SPIN1: variants seen among roughly 807,000 people sequenced by gnomAD.
SPIN1 encodes spindlin-1.
SPIN1 carries 3 observed loss-of-function variants against 26.0 expected under a neutral mutation model. That is an observed-to-expected ratio of 0.12 (90% CI 0.05 to 0.30). SPIN1 has a LOEUF of 0.30. SPIN1 is among the 10% of genes least tolerant of loss of function. SPIN1 has a pLI of 1.00. For missense variants in SPIN1, 126 were observed against 333.4 expected, an observed-to-expected ratio of 0.38 and a Z score of 4.84; for synonymous variants, 101 against 116.5, an observed-to-expected ratio of 0.87 and a Z score of 0.86.
chr9:88,421,909 G>A (rs1056864282), intron 1 of SPIN1, among the ~76,000 whole-genome samples: 11 of 151,714 alleles, frequency 7.3e-5, no homozygotes, highest in African/African-American at 2.7e-4. Context: ...TTCACCTGGA[G>A]GTAAAACATT....
intron 1 of SPIN1, among the ~76,000 whole-genome samples, chr9:88,420,382 A>C (rs1827646872): frequency 6.6e-6 from 1 of 152,220 alleles, no homozygotes; most frequent in Non-Finnish European, 1.5e-5. Context: ...TCTCAACAAA[A>C]CGAAACAGAA....
At position 88,475,793 on chromosome 9, in the gene SPIN1, A is replaced by T. The variant is rs1019410673; in HGVS notation, c.*516A>T. The T allele has an allele frequency of 6.6e-6, 1 of 152,322 alleles. No homozygotes were observed. Among genetic ancestry groups the T allele is most frequent in the Non-Finnish European group, 1.5e-5 (1 of 68,182 alleles). The allele number at this position is 152,322 out of a possible 1,614,324, so 9.4% of individuals were successfully genotyped here. ...GTCTTTGTGGATTAGGATGGGGGTG[A>T]CATAATTTTCTTGAGTTTAACAGGA... On this transcript the variant is annotated 3_prime_UTR_variant, in exon 6 of 6. Transcript: ENST00000375859.
At chr9:88,447,628 T>C (rs1358744234) in intron 2 of SPIN1, among the ~76,000 whole-genome samples, 1 of 152,252 alleles carries the variant, frequency 6.6e-6, no homozygotes, top group Non-Finnish European at 1.5e-5. Context: ...CTCAGAATTA[T>C]GTGCAGATTT....
At chr9:88,434,505 A>G (rs1441085983) in intron 2 of SPIN1, among the ~76,000 whole-genome samples, 1 of 151,956 alleles carries the variant, frequency 6.6e-6, no homozygotes, top group Non-Finnish European at 1.5e-5. Context: ...TCCACTGGAA[A>G]GTCAGTGATG....
intron 4 of SPIN1, among the ~76,000 whole-genome samples, chr9:88,465,743 A>G (rs1384353394): frequency 2.0e-5 from 3 of 152,232 alleles, no homozygotes; most frequent in Non-Finnish European, 4.4e-5. Flanking sequence ...CAGATTCTGC[A>G]TTGTAACTAA....
At chr9:88,435,645 T>G (rs1256896418) in intron 2 of SPIN1, among the ~76,000 whole-genome samples, 1 of 152,178 alleles carries the variant, frequency 6.6e-6, no homozygotes, top group South Asian at 2.1e-4. Flanking sequence ...TTTTCTGATA[T>G]TACATCTATT....
intron 1 of SPIN1, among the ~76,000 whole-genome samples, chr9:88,405,869 G>A (rs1424697321): frequency 4.6e-5 from 7 of 150,708 alleles, no homozygotes; most frequent in Non-Finnish European, 1.0e-4. Flanking sequence ...ACAGGGTCTC[G>A]CTCTGGCCAA....
intron 5 of SPIN1, among the ~76,000 whole-genome samples, chr9:88,471,569 C>T (rs1190399931): frequency 4.2e-5 from 6 of 141,902 alleles, no homozygotes; most frequent in African/African-American, 1.6e-4. Context: ...GCAGGAGAAT[C>T]GCTTGAACCT....
intron 1 of SPIN1, among the ~76,000 whole-genome samples, chr9:88,394,384 C>T (rs1757799286): frequency 6.6e-6 from 1 of 152,162 alleles, no homozygotes; most frequent in Non-Finnish European, 1.5e-5. Flanking sequence ...ATACAGAAAT[C>T]TGGGTGTTAT....
At chr9:88,410,751 A>T in intron 1 of SPIN1, 1 of 1,302,384 alleles carries the variant, frequency 7.7e-7, no homozygotes, top group Non-Finnish European at 1.1e-6. Flanking sequence ...TTCCACCATT[A>T]CCAAATCCAT....
In SPIN1 at chr9:88,434,508, C is replaced by G. The variant is rs113826913; in HGVS notation, c.52+7917C>G. Among the ~76,000 whole-genome samples the G allele has an allele frequency of 3.4e-3, 523 of 151,778 alleles. 2 individuals are homozygous for G. Among genetic ancestry groups the G allele is most frequent in the Middle Eastern group, 0.014 (4 of 294 alleles). ...AAACTTCTGTTTTCCACTGGAAAGT[C>G]AGTGATGGGTGATATAACTCCCCAT... is the stretch of plus-strand genomic sequence containing the variant. On this transcript the variant is annotated intron_variant, in intron 2 of 5. Transcript: ENST00000375859.
chr9:88,472,457 C>A lies in SPIN1; in HGVS notation c.590-2621C>A, dbSNP rs371630718. On this transcript the variant is annotated intron_variant, in intron 5 of 5. Transcript: ENST00000375859. The stretch of plus-strand genomic sequence containing the variant: ...CCATGTTGACCAGGCTGGTCTCGAT[C>A]TCCTGACCTCAGGTGAGCCGCCGCG... Among the ~76,000 whole-genome samples, 191 of 151,978 alleles carry A rather than the reference C, an allele frequency of 1.3e-3. 5 individuals are homozygous for A. The South Asian group carries it at 0.036, about 29-fold the overall frequency.
At chr9:88,440,018 T>C (rs1212185709) in intron 2 of SPIN1, among the ~76,000 whole-genome samples, 1 of 152,200 alleles carries the variant, frequency 6.6e-6, no homozygotes. Context: ...ATGTTACTAT[T>C]ATCTGTTCTT....
chr9:88,418,358 C>A (rs935226181), intron 1 of SPIN1, among the ~76,000 whole-genome samples: 3 of 152,224 alleles, frequency 2.0e-5, no homozygotes, highest in Non-Finnish European at 4.4e-5. Flanking sequence ...TATATTTCTT[C>A]ACGTTTAACC....
intron 3 of SPIN1, among the ~76,000 whole-genome samples, chr9:88,460,227 A>G (rs1828552151): frequency 6.6e-6 from 1 of 151,946 alleles, no homozygotes. Context: ...CCATCTCTTA[A>G]TTCTTTTTAC....
At chr9:88,472,449 G>A (rs1828808056) in intron 5 of SPIN1, among the ~76,000 whole-genome samples, 2 of 151,870 alleles carry the variant, frequency 1.3e-5, no homozygotes, top group Admixed American at 1.3e-4. Flanking sequence ...GACCAGGCTG[G>A]TCTCGATCTC....
Position 88,475,804 on chromosome 9 carries a change from T to C in SPIN1, c.*527T>C, listed in dbSNP as rs762494066. The C allele has an allele frequency of 6.6e-6, 1 of 152,320 alleles. No homozygotes were observed. The highest frequency in any genetic ancestry group is 1.5e-5 in the Non-Finnish European group (1 of 68,188). The allele number at this position is 152,320 out of a possible 1,614,324, so 9.4% of individuals were successfully genotyped here. On this transcript the variant is annotated 3_prime_UTR_variant, in exon 6 of 6. Transcript: ENST00000375859. ...TTAGGATGGGGGTGACATAATTTTCTTGAGTTTAACAGGAGTGCTTTACCC... is the reference window on the plus strand; with the variant it reads ...TTAGGATGGGGGTGACATAATTTTCCTGAGTTTAACAGGAGTGCTTTACCC...
intron 1 of SPIN1, among the ~76,000 whole-genome samples, chr9:88,390,854 GT>G (rs887353209): frequency 2.6e-5 from 4 of 151,660 alleles, no homozygotes; most frequent in South Asian, 2.1e-4. Context: ...TTTAAAAAAA[GT>G]TTTTTTTTAA....
Position 88,426,595 on chromosome 9 carries a change from G to C in SPIN1, c.52+4G>C. 6.2e-7 allele frequency: 1 copy of C among 1,612,914 alleles called. No homozygotes were observed. The stretch of plus-strand genomic sequence containing the variant: ...CAGCGGTCCAGAGCTGATGCAGGTA[G>C]GCATTGCGGTTCTACACATATTTAA... On this transcript the variant is annotated splice_donor_region_variant and intron_variant, in intron 2 of 5. Transcript: ENST00000375859.
Sources: allele counts gnomAD v4.1 joint callset (sites outside exome capture counted in the v4.1 genomes callset), GRCh38; gene constraint gnomAD v4.1.1; transcripts MANE v1.5; gene names NCBI Gene and HGNC (gene_info 2026-07-23, HGNC 2026-07-21).